The following TRPM6 variants were observed in gnomAD, a reference collection of about 807,000 sequenced individuals.
The protein encoded by TRPM6 is transient receptor potential cation channel subfamily M member 6, also known as channel kinase 2.
TRPM6 carries 111 observed loss-of-function variants against 247.6 expected under a neutral mutation model. The observed-to-expected ratio is 0.45, with a 90% CI of 0.38 to 0.52. The LOEUF is 0.52. Among genes scored for constraint, TRPM6 ranks in the 20% least tolerant of loss-of-function variants. The pLI, the probability that TRPM6 is intolerant of heterozygous loss-of-function variation, is 0.00. For missense variants in TRPM6, 2,126 were observed against 2,421.5 expected (o/e 0.88, Z 2.56); for synonymous variants, 892 against 853.8 (o/e 1.04, Z -0.78).
intron 36 of TRPM6, among the ~76,000 whole-genome samples, chr9:74,735,624 A>T (rs1352874074): frequency 2.6e-5 from 4 of 152,146 alleles, no homozygotes; most frequent in African/African-American, 4.8e-5. Flanking sequence ...ACAATGAGCT[A>T]AAAAAATGCT....
rs1825252422 is a variant in TRPM6 at position 74,724,570 on chromosome 9, T to C, written c.*43A>G. On this transcript the variant is annotated 3_prime_UTR_variant, in exon 39 of 39. Transcript: ENST00000360774. ...TCAATCTATGTTATCACAGAGTTCC[T>C]GGCAGGCAGGGCAAGCACTGGGATC... The C allele has an allele frequency of 6.2e-6, 10 of 1,613,748 alleles. No individual in the cohort carries two copies. The East Asian group carries it at 1.3e-4, about 22-fold the overall frequency.
In TRPM6 at chr9:74,887,914, G is replaced by A; in HGVS notation, c.-58C>T. 1 of 1,602,680 alleles carries A rather than the reference G, an allele frequency of 6.2e-7. No individual in the cohort carries two copies. The highest frequency in any genetic ancestry group is 1.8e-4 in the Middle Eastern group (1 of 5,672). The stretch of plus-strand genomic sequence containing the variant: ...GTCTGAGCTTTTAACTGTGGAGGCA[G>A]AAACTCTGGGCTCCACCTCCACACG... On this transcript the variant is annotated 5_prime_UTR_variant, in exon 1 of 39. Transcript: ENST00000360774.
chr9:74,839,994 G>C, intron 5 of TRPM6, 30 bp downstream of exon 5: 1 of 1,530,656 alleles, frequency 6.5e-7, no homozygotes, highest in Non-Finnish European at 9.1e-7. Context: ...TGAAAGAGAG[G>C]GTGGGAGAAA....
chr9:74,801,739 G>T (rs1307640095), intron 16 of TRPM6, among the ~76,000 whole-genome samples, 159 bp downstream of exon 16: 1 of 152,156 alleles, frequency 6.6e-6, no homozygotes, highest in African/African-American at 2.4e-5. Context: ...ACTTCACAAA[G>T]CTCCTTAGAA....
rs145648270 is a variant in TRPM6, at chr9:74,786,022, C to G, written c.2771G>C (p.Gly924Ala). The change falls in exon 21 of 39, where the codon GGC becomes GCC. Residue 924 changes from glycine (G) to alanine (A), a missense_variant. Physicochemically the swap from Gly to Ala is moderately conservative, Grantham distance 60. This residue lies in a region of TRPM6 where 1,082 missense variants were observed against 1,307.9 expected (regional missense o/e 0.83). Coordinates refer to ENST00000360774, the MANE Select transcript of TRPM6 (RefSeq NM_017662.5). ...ETVAIGLFSAGFVLRWGDPPF... is the reference protein window; with the variant it reads ...ETVAIGLFSAAFVLRWGDPPF... ...AGGGTCACCCCATCGAAGGACGAAG[C>G]CAGCTGAAAACAGGCCAATGGCCAC... 5.6e-5 allele frequency: 91 copies of G among 1,614,198 alleles called. No individual in the cohort carries two copies. The highest frequency in any genetic ancestry group is 7.3e-5 in the Non-Finnish European group (86 of 1,180,034).
At chr9:74,780,061 A>T (rs1007457318) in intron 23 of TRPM6, among the ~76,000 whole-genome samples, 1 of 151,864 alleles carries the variant, frequency 6.6e-6, no homozygotes, top group Non-Finnish European at 1.5e-5. Flanking sequence ...AGTCCCAGCT[A>T]CTCGGGAGGC....
At chr9:74,729,029 A>G (rs1825430814) in intron 37 of TRPM6, among the ~76,000 whole-genome samples, 1 of 152,236 alleles carries the variant, frequency 6.6e-6, no homozygotes. Context: ...CTCTATAATC[A>G]TAACAAATCC....
chr9:74,866,785 G>A (rs560902184), intron 1 of TRPM6, among the ~76,000 whole-genome samples: 2 of 152,084 alleles, frequency 1.3e-5, no homozygotes, highest in East Asian at 3.9e-4. Context: ...CCAGCCTCAG[G>A]AGTATCTTAT....
At chr9:74,866,487 T>C (rs1830849088) in intron 1 of TRPM6, among the ~76,000 whole-genome samples, 1 of 152,144 alleles carries the variant, frequency 6.6e-6, no homozygotes, top group East Asian at 1.9e-4. Flanking sequence ...TGTTTTTTGT[T>C]TTTTTGTTTT....
chr9:74,781,119 G>A (rs192016581), intron 23 of TRPM6, among the ~76,000 whole-genome samples: 1 of 152,248 alleles, frequency 6.6e-6, no homozygotes, highest in Non-Finnish European at 1.5e-5. Flanking sequence ...GAAACTGAAA[G>A]AGATCACAAA....
chr9:74,743,950 G>C, intron 32 of TRPM6, 145 bp downstream of exon 32: 1 of 799,064 alleles, frequency 1.3e-6, no homozygotes, highest in Non-Finnish European at 2.0e-6. Flanking sequence ...TTAGAAATTG[G>C]AATGTTCTTC....
Position 74,810,687 on chromosome 9 carries a change from G to C in TRPM6, c.1497+128C>G, listed in dbSNP as rs540984422. 9.9e-6 allele frequency: 8 copies of C among 809,798 alleles called. No individual in the cohort carries two copies. The African/African-American group carries it at 1.2e-4, about 12-fold the overall frequency. The allele number at this position is 809,798 out of a possible 1,614,324, so 50.2% of individuals were successfully genotyped here. ...TTGTTGATGAACTTGTTCAAATCAA[G>C]GTAAAGAAGATAGGTAATTAACAAA... is the stretch of plus-strand genomic sequence containing the variant. On this transcript the variant is annotated intron_variant, in intron 13 of 38. Coordinates refer to ENST00000360774, the MANE Select transcript of TRPM6 (RefSeq NM_017662.5).
At chr9:74,860,400 C>T (rs1293902379) in intron 1 of TRPM6, among the ~76,000 whole-genome samples, 1 of 151,976 alleles carries the variant, frequency 6.6e-6, no homozygotes, top group Non-Finnish European at 1.5e-5. Flanking sequence ...GCATTCCAGC[C>T]TGGCTCACTG....
chr9:74,819,596 T>A (rs906650483), intron 9 of TRPM6, among the ~76,000 whole-genome samples: 6 of 152,234 alleles, frequency 3.9e-5, no homozygotes, highest in African/African-American at 1.4e-4. Flanking sequence ...ATTATGGTAA[T>A]AGCCCATAGT....
intron 25 of TRPM6, among the ~76,000 whole-genome samples, chr9:74,770,468 T>C (rs574600312): frequency 3.3e-5 from 5 of 152,180 alleles, no homozygotes; most frequent in Non-Finnish European, 5.9e-5. Context: ...CCACAATTAG[T>C]AATAAATCCA....
chr9:74,855,671 G>T, intron 2 of TRPM6, 106 bp from the exon 3 acceptor site: 2 of 827,886 alleles, frequency 2.4e-6, no homozygotes, highest in East Asian at 2.5e-5. Context: ...AGAAATCAAG[G>T]TTTGCTGAAA....
chr9:74,751,541 T>C (rs975472508), intron 29 of TRPM6, among the ~76,000 whole-genome samples: 2 of 152,232 alleles, frequency 1.3e-5, no homozygotes, highest in Non-Finnish European at 2.9e-5. Context: ...TCAACAGTTC[T>C]CAAGTTCAAA....
At chr9:74,864,307 C>A (rs1043814137) in intron 1 of TRPM6, among the ~76,000 whole-genome samples, 3 of 152,164 alleles carry the variant, frequency 2.0e-5, no homozygotes, top group Non-Finnish European at 4.4e-5. Flanking sequence ...GGTAGATGGA[C>A]ATCAGGATGT....
chr9:74,877,328 T>C (rs1446678515), intron 1 of TRPM6, among the ~76,000 whole-genome samples: 2 of 152,100 alleles, frequency 1.3e-5, no homozygotes, highest in African/African-American at 4.8e-5. Context: ...CAAATATCCA[T>C]CAACTGATTA....
Sources: gnomAD v4.1 joint callset for allele counts (sites outside exome capture counted in the v4.1 genomes callset) on GRCh38, gnomAD v4.1.1 for gene constraint, gnomAD v4.1.1 regional missense constraint, MANE v1.5 for transcripts, NCBI Gene and HGNC (gene_info 2026-07-23, HGNC 2026-07-21) for gene names.